Variants in PRIMPOL observed in about 807,000 individuals in gnomAD.
PRIMPOL encodes the protein DNA-directed primase/polymerase protein.
PRIMPOL carries 54 observed loss-of-function variants against 63.6 expected under a neutral mutation model. The ratio of observed to expected loss-of-function variants is 0.85; its 90% CI spans 0.68 to 1.07. PRIMPOL has a LOEUF of 1.07. PRIMPOL is among the 50% of genes least tolerant of loss of function. The probability of loss-of-function intolerance (pLI) is 0.00; values close to 1 mark genes in which losing one functional copy is unlikely to be tolerated. For missense variants in PRIMPOL, 610 were observed against 648.3 expected (o/e 0.94, Z 0.64); for synonymous variants, 197 against 220.2 (o/e 0.89, Z 0.93).
intron 1 of PRIMPOL, among the ~76,000 whole-genome samples, chr4:184,651,678 C>T (rs1744540383): frequency 6.6e-6 from 1 of 152,016 alleles, no homozygotes; most frequent in African/African-American, 2.4e-5. Flanking sequence ...GACGGAGTTT[C>T]ACCCTTGTTG....
intron 13 of PRIMPOL, among the ~76,000 whole-genome samples, chr4:184,693,034 C>T (rs1237693514): frequency 5.9e-5 from 9 of 152,062 alleles, no homozygotes; most frequent in African/African-American, 1.7e-4. Flanking sequence ...CAGCTTTCTC[C>T]TCTATAGTGT....
intron 11 of PRIMPOL, among the ~76,000 whole-genome samples, chr4:184,690,607 C>T (rs892091155): frequency 2.9e-5 from 4 of 139,534 alleles, no homozygotes; most frequent in African/African-American, 1.3e-4. Flanking sequence ...TTACAGGTGC[C>T]CCCCACCACG....
intron 8 of PRIMPOL, among the ~76,000 whole-genome samples, 189 bp from the exon 9 acceptor site, chr4:184,682,059 C>A (rs536965161): frequency 2.0e-5 from 3 of 152,182 alleles, no homozygotes; most frequent in South Asian, 4.2e-4. Context: ...ATTGACAAAT[C>A]ATATTTTTTT....
At chr4:184,685,925 C>T (rs1342318546) in intron 11 of PRIMPOL, among the ~76,000 whole-genome samples, 1 of 152,102 alleles carries the variant, frequency 6.6e-6, no homozygotes. Flanking sequence ...CCTCAGCCTC[C>T]TAAGTAGCTG....
chr4:184,691,891 A>G (rs1344500685), intron 13 of PRIMPOL, among the ~76,000 whole-genome samples, 179 bp downstream of exon 13: 1 of 91,406 alleles, frequency 1.1e-5, no homozygotes, highest in Non-Finnish European at 2.0e-5. Flanking sequence ...ATCTGATAAT[A>G]CAAACCTTTT....
chr4:184,659,453 CAG>C lies in PRIMPOL; in HGVS notation c.278+18_278+19del. ...ATAAATCCAGGTAGGTAGCATGCAG[CAG>C]AACCACACATTAAGCTAGAGTTCCA... is the stretch of plus-strand genomic sequence containing the variant. On this transcript the variant is annotated intron_variant, in intron 4 of 13. Transcript: ENST00000314970. 1 of 1,508,748 alleles carries C rather than the reference CAG, an allele frequency of 6.6e-7. No homozygotes were observed. The highest frequency in any genetic ancestry group is 1.7e-5 in the Admixed American group (1 of 59,768). The allele number at this position is 1,508,748 out of a possible 1,614,324, so 93.5% of individuals were successfully genotyped here.
intron 7 of PRIMPOL, among the ~76,000 whole-genome samples, chr4:184,677,053 C>T (rs1430327352): frequency 8.1e-6 from 1 of 124,184 alleles, no homozygotes; most frequent in Non-Finnish European, 1.7e-5. Flanking sequence ...TCTCCCCTCC[C>T]CTTCCCCTTT....
At chr4:184,661,566 C>A (rs1002675192) in intron 4 of PRIMPOL, among the ~76,000 whole-genome samples, 1 of 152,018 alleles carries the variant, frequency 6.6e-6, no homozygotes, top group East Asian at 1.9e-4. Context: ...ATTAACCAGG[C>A]GTGGTGGCGT....
intron 5 of PRIMPOL, 29 bp downstream of exon 5, chr4:184,661,932 T>A (rs200265666): frequency 2.1e-6 from 3 of 1,399,526 alleles, no homozygotes; most frequent in African/African-American, 2.3e-5. Context: ...TTTTTCTTAT[T>A]TCTATCCATC....
chr4:184,651,590 T>A (rs2150010213), intron 1 of PRIMPOL, among the ~76,000 whole-genome samples: 1 of 152,308 alleles, frequency 6.6e-6, no homozygotes, highest in South Asian at 2.1e-4. Flanking sequence ...TCTTGCCAAA[T>A]TAGCAAGCAT....
At position 184,685,666 on chromosome 4, in the gene PRIMPOL, A is replaced by G. The variant is rs1483322178; in HGVS notation, c.1277A>G (p.His426Arg). 2.7e-6 allele frequency: 4 copies of G among 1,505,258 alleles called. No homozygotes were observed. Among genetic ancestry groups the G allele is most frequent in the Middle Eastern group, 1.7e-4 (1 of 5,770 alleles). The allele number at this position is 1,505,258 out of a possible 1,614,324, so 93.2% of individuals were successfully genotyped here. The change falls in exon 11 of 14, where the codon CAT (histidine) becomes CGT (arginine). Residue 426 changes from histidine to arginine, a missense_variant. His to Arg is a conservative substitution (Grantham distance 29). Coordinates refer to ENST00000314970, the MANE Select transcript of PRIMPOL (RefSeq NM_152683.4). Reference sequence around the variant, plus strand: ...TGGTGTGAAAACATTGGAAGAGCCCATAAGAGTAATAATATAATGTAAGTA... The same window carrying G: ...TGGTGTGAAAACATTGGAAGAGCCCGTAAGAGTAATAATATAATGTAAGTA... ...YRWCENIGRA[H>R]KSNNIMILVD...
intron 5 of PRIMPOL, among the ~76,000 whole-genome samples, 159 bp from the exon 6 acceptor site, chr4:184,665,758 G>T (rs1749704766): frequency 6.6e-6 from 1 of 151,856 alleles, no homozygotes; most frequent in Admixed American, 6.5e-5. Flanking sequence ...GCCCGCCTTG[G>T]CCTCCCAAAG....
At chr4:184,660,608 T>C (rs941556946) in intron 4 of PRIMPOL, among the ~76,000 whole-genome samples, 1 of 152,232 alleles carries the variant, frequency 6.6e-6, no homozygotes, top group Non-Finnish European at 1.5e-5. Flanking sequence ...AAACTGGATT[T>C]ATTTATGTTG....
chr4:184,682,407 G>A, intron 9 of PRIMPOL, 71 bp downstream of exon 9: 1 of 828,220 alleles, frequency 1.2e-6, no homozygotes, highest in Non-Finnish European at 2.0e-6. Flanking sequence ...GGAGTGCAGT[G>A]GTGCGATCTC....
At chr4:184,659,531 C>G in intron 4 of PRIMPOL, 94 bp downstream of exon 4, 1 of 895,344 alleles carries the variant, frequency 1.1e-6, no homozygotes, top group Non-Finnish European at 1.9e-6. Context: ...GAATTGGCTT[C>G]CACAGTTCGT....
At chr4:184,667,545 T>C (rs533153252) in intron 6 of PRIMPOL, among the ~76,000 whole-genome samples, 160 of 152,226 alleles carry the variant, frequency 1.1e-3, no homozygotes, top group South Asian at 3.5e-3. Flanking sequence ...CCCCTGACCT[T>C]GTGATCTGCC....
chr4:184,662,427 G>C (rs867059052), intron 5 of PRIMPOL, among the ~76,000 whole-genome samples: 1 of 152,064 alleles, frequency 6.6e-6, no homozygotes, highest in Non-Finnish European at 1.5e-5. Context: ...GTAAAATCTT[G>C]TCTAAAAATA....
At chr4:184,672,813 A>G (rs891495795) in intron 7 of PRIMPOL, among the ~76,000 whole-genome samples, 2 of 152,188 alleles carry the variant, frequency 1.3e-5, no homozygotes, top group African/African-American at 4.8e-5. Flanking sequence ...CAGACTCGGT[A>G]TAAAAGCAGT....
intron 4 of PRIMPOL, among the ~76,000 whole-genome samples, chr4:184,660,530 A>G (rs1748035531): frequency 6.6e-6 from 1 of 152,164 alleles, no homozygotes; most frequent in African/African-American, 2.4e-5. Context: ...AGGAGAGTAA[A>G]TTGTTAGCAT....
Sources: allele counts gnomAD v4.1 joint callset (sites outside exome capture counted in the v4.1 genomes callset), GRCh38; gene constraint gnomAD v4.1.1; transcripts MANE v1.5; gene names NCBI Gene and HGNC (gene_info 2026-07-23, HGNC 2026-07-21).